Variants in GRM5 observed in about 807,000 individuals in gnomAD.
GRM5 encodes the protein glutamate metabotropic receptor 5, also known as metabotropic glutamate receptor 5.
In GRM5, 19 loss-of-function variants were observed where a neutral mutation model predicts 83.1. The ratio of observed to expected loss-of-function variants is 0.23; its 90% confidence interval spans 0.16 to 0.34. The LOEUF is 0.34. Among genes scored for constraint, GRM5 ranks in the 10% least tolerant of loss-of-function variants. GRM5 has a pLI of 1.00. For synonymous variants in GRM5, 675 were observed against 633.6 expected, an observed-to-expected ratio of 1.07 and a Z score of -0.98; for missense variants, 1,160 against 1,588.3, an observed-to-expected ratio of 0.73 and a Z score of 4.58.
At chr11:88,536,810 A>G (rs1942145396) in intron 8 of GRM5, among the ~76,000 whole-genome samples, 2 of 152,320 alleles carry the variant, frequency 1.3e-5, no homozygotes, top group South Asian at 4.1e-4. Flanking sequence ...TCCTTTTGGG[A>G]CCATCCTAAT....
At chr11:88,520,892 C>T (rs1048799839) in intron 9 of GRM5, among the ~76,000 whole-genome samples, 12 of 152,148 alleles carry the variant, frequency 7.9e-5, no homozygotes, top group African/African-American at 2.9e-4. Flanking sequence ...AAATCAGTTA[C>T]TCAACTAATT....
At chr11:89,004,348 A>C (rs1940467329) in intron 2 of GRM5, among the ~76,000 whole-genome samples, 1 of 152,234 alleles carries the variant, frequency 6.6e-6, no homozygotes. Flanking sequence ...ATATTTTAAA[A>C]GTCTCTAATA....
chr11:88,981,900 T>C (rs1396425345), intron 2 of GRM5, among the ~76,000 whole-genome samples: 1 of 152,206 alleles, frequency 6.6e-6, no homozygotes, highest in East Asian at 1.9e-4. Context: ...GGAGGCTGAA[T>C]TAACTTTGAA....
At chr11:88,574,847 A>T (rs1056629384) in intron 7 of GRM5, among the ~76,000 whole-genome samples, 2 of 152,166 alleles carry the variant, frequency 1.3e-5, no homozygotes, top group African/African-American at 4.8e-5. Flanking sequence ...TGAGTAATTC[A>T]TTGGATCTGG....
intron 2 of GRM5, among the ~76,000 whole-genome samples, chr11:88,860,198 T>G (rs1487107188): frequency 2.0e-5 from 3 of 152,150 alleles, no homozygotes; most frequent in African/African-American, 7.2e-5. Context: ...CTTAAAAATA[T>G]TGGAGTCTTC....
chr11:88,532,775 A>G (rs1942043195), intron 8 of GRM5, among the ~76,000 whole-genome samples: 1 of 152,214 alleles, frequency 6.6e-6, no homozygotes. Flanking sequence ...GGAAGATGGA[A>G]AATATTAAAG....
intron 7 of GRM5, among the ~76,000 whole-genome samples, chr11:88,570,684 AT>A (rs1192444866): frequency 7.0e-6 from 1 of 142,798 alleles, no homozygotes; most frequent in East Asian, 2.1e-4. Flanking sequence ...AGTTCAAGCG[AT>A]TCTTGTGCCT....
intron 2 of GRM5, among the ~76,000 whole-genome samples, chr11:88,874,221 G>T (rs1944813670): frequency 1.3e-5 from 2 of 151,260 alleles, no homozygotes. Context: ...TGCTTGCATG[G>T]TATTTGCATA....
intron 9 of GRM5, among the ~76,000 whole-genome samples, chr11:88,515,230 G>A (rs1941490293): frequency 6.6e-6 from 1 of 152,102 alleles, no homozygotes; most frequent in South Asian, 2.1e-4. Flanking sequence ...TTGGAATTGT[G>A]TTGAGTCATC....
At chr11:88,712,113 G>A (rs984688362) in intron 3 of GRM5, among the ~76,000 whole-genome samples, 17 of 152,008 alleles carry the variant, frequency 1.1e-4, no homozygotes, top group Middle Eastern at 3.2e-3. Flanking sequence ...CTTGCAAGTC[G>A]AAAATCCTTC....
intron 9 of GRM5, among the ~76,000 whole-genome samples, chr11:88,517,206 T>G (rs755752581): frequency 6.6e-6 from 1 of 151,982 alleles, no homozygotes; most frequent in Non-Finnish European, 1.5e-5. Context: ...TTTAAAAATA[T>G]CTGTGCATAT....
Position 88,508,675 on chromosome 11 carries a change from C to G in GRM5, c.3556G>C (p.Glu1186Gln). 6.2e-7 allele frequency: 1 copy of G among 1,608,172 alleles called. No individual in the cohort carries two copies. Among genetic ancestry groups the G allele is most frequent in the East Asian group, 2.3e-5 (1 of 43,746 alleles). The change falls in exon 10 of 10, where the codon GAG becomes CAG. Residue 1186 changes from glutamate to glutamine, a missense_variant. Glu to Gln is a conservative substitution (Grantham distance 29). Coordinates refer to ENST00000305447, the MANE Select transcript of GRM5 (RefSeq NM_001143831.3). The surrounding 1 kb of genome is among the most constrained non-coding windows in gnomAD (Gnocchi z 4.2). Reference protein sequence around the residue: ...GSTTPNSPVSESALCIPSSPK... With the variant: ...GSTTPNSPVSQSALCIPSSPK... ...GACGACGGGATACAGAGGGCCGACT[C>G]GGACACTGGCGAGTTGGGGGTTGTG...
At chr11:88,937,734 T>C (rs1267733481) in intron 2 of GRM5, among the ~76,000 whole-genome samples, 1 of 151,544 alleles carries the variant, frequency 6.6e-6, no homozygotes, top group African/African-American at 2.4e-5. Context: ...GCAAATTCAG[T>C]CCTCCAGTTT....
At chr11:88,564,966 T>C (rs978937943) in intron 8 of GRM5, among the ~76,000 whole-genome samples, 8 of 152,114 alleles carry the variant, frequency 5.3e-5, no homozygotes, top group Admixed American at 3.9e-4. Flanking sequence ...TTGGGTACAG[T>C]AACTTTCATG....
rs183887862 is a variant in GRM5 at position 88,630,648 on chromosome 11, G to T, written c.1147+22520C>A. 1.1e-4 allele frequency among the ~76,000 whole-genome samples: 17 copies of T among 151,552 alleles called. No homozygotes were observed. The East Asian group carries it at 3.3e-3, about 29-fold the overall frequency. On this transcript the variant is annotated intron_variant, in intron 4 of 9. Coordinates refer to ENST00000305447, the MANE Select transcript of GRM5 (RefSeq NM_001143831.3). ...GGCTGGAGTGCAATGGTGCGATCTT[G>T]GCTCACTGCAACCTCTGCCTCGCGG...
intron 2 of GRM5, among the ~76,000 whole-genome samples, chr11:89,006,412 C>CT (rs1213160133): frequency 6.6e-6 from 1 of 152,322 alleles, no homozygotes; most frequent in East Asian, 1.9e-4. Context: ...GTCATTAACT[C>CT]TAACTCTCTC....
intron 8 of GRM5, among the ~76,000 whole-genome samples, chr11:88,553,211 G>C (rs898325115): frequency 1.3e-5 from 2 of 152,182 alleles, no homozygotes; most frequent in Non-Finnish European, 2.9e-5. Context: ...AGGGAAAAGT[G>C]CTTGCTAGTC....
chr11:88,775,879 A>T (rs944632520), intron 3 of GRM5, among the ~76,000 whole-genome samples: 3 of 147,180 alleles, frequency 2.0e-5, no homozygotes, highest in Non-Finnish European at 4.6e-5. Flanking sequence ...CAATCTTAGA[A>T]TAAGTGCAAT....
At chr11:88,820,442 TTC>T (rs145217600) in intron 3 of GRM5, among the ~76,000 whole-genome samples, 3,690 of 151,584 alleles carry the variant, frequency 0.024, 161 homozygotes, top group African/African-American at 0.085. Flanking sequence ...ATTATTGCTA[TTC>T]TTTCTCGAGC....
Sources: gnomAD v4.1 joint callset for allele counts (sites outside exome capture counted in the v4.1 genomes callset) on GRCh38, gnomAD v4.1.1 for gene constraint, Gnocchi (gnomAD v3.1) non-coding constraint, MANE v1.5 for transcripts, NCBI Gene and HGNC (gene_info 2026-07-23, HGNC 2026-07-21) for gene names.